The following GPHN variants were observed in gnomAD, a reference collection of about 807,000 sequenced individuals.
GPHN encodes the protein gephyrin.
Under a neutral mutation model 95.5 loss-of-function variants are expected in GPHN, and 17 were observed. The observed-to-expected ratio is 0.18, with a 90% CI of 0.12 to 0.27. The LOEUF is 0.27. GPHN is among the 10% of genes least tolerant of loss of function. The probability of loss-of-function intolerance (pLI) is 1.00; values close to 1 mark genes in which losing one functional copy is unlikely to be tolerated. For missense variants in GPHN, 660 were observed against 978.1 expected (o/e 0.67, Z 4.34); for synonymous variants, 320 against 322.5 (o/e 0.99, Z 0.08).
chr14:66,681,045 A>G (rs2066906435), intron 1 of GPHN, 62 bp from the exon 2 acceptor site: 2 of 942,654 alleles, frequency 2.1e-6, no homozygotes, highest in Admixed American at 3.4e-5. Flanking sequence ...TTTGGTCAGC[A>G]ATAGCTTAAA....
chr14:67,308,521 ACT>A, the GPHN span, among the ~76,000 whole-genome samples: 1 of 147,834 alleles, frequency 6.8e-6, no homozygotes, highest in Non-Finnish European at 1.5e-5. Flanking sequence ...TTAGATCAGC[ACT>A]CTCCAAATAT....
At chr14:67,487,581 A>AT in the GPHN span, among the ~76,000 whole-genome samples, 13 of 152,342 alleles carry the variant, frequency 8.5e-5, no homozygotes, top group Admixed American at 5.2e-4. Flanking sequence ...AATGTAGGAC[A>AT]TTCGTTTCAG....
At chr14:67,360,813 A>G in the GPHN span, 1 of 152,224 alleles carries the variant, frequency 6.6e-6, no homozygotes, top group Admixed American at 6.5e-5. Flanking sequence ...CAGGACGCTG[A>G]GCACTTTGCT....
At chr14:67,453,387 C>T in the GPHN span, among the ~76,000 whole-genome samples, 1 of 152,204 alleles carries the variant, frequency 6.6e-6, no homozygotes, top group African/African-American at 2.4e-5. Context: ...ATCCTGCCCT[C>T]CCAGCTGAGA....
intron 1 of GPHN, among the ~76,000 whole-genome samples, chr14:66,650,820 G>A (rs909736384): frequency 2.6e-5 from 4 of 152,130 alleles, no homozygotes; most frequent in Admixed American, 6.5e-5. Context: ...CACAGATGGA[G>A]CAGCTACCAT....
At chr14:67,647,627 A>G in the GPHN span, 1 of 158,178 alleles carries the variant, frequency 6.3e-6, no homozygotes, top group Non-Finnish European at 1.4e-5. Context: ...CGTTCAGAGA[A>G]TAAGAGCAAC....
At chr14:67,086,766 G>A (rs926499000) in intron 11 of GPHN, among the ~76,000 whole-genome samples, 3 of 150,894 alleles carry the variant, frequency 2.0e-5, no homozygotes, top group African/African-American at 4.9e-5. Context: ...CCGGCCAGGC[G>A]CGTGGCTCAC....
the GPHN span, among the ~76,000 whole-genome samples, chr14:67,606,457 G>T: frequency 6.6e-6 from 1 of 152,182 alleles, no homozygotes; most frequent in Non-Finnish European, 1.5e-5. Context: ...ATAAAAGATG[G>T]ATCTAATTTG....
At chr14:66,874,408 T>G (rs1229180184) in intron 4 of GPHN, among the ~76,000 whole-genome samples, 1 of 152,150 alleles carries the variant, frequency 6.6e-6, no homozygotes, top group East Asian at 1.9e-4. Flanking sequence ...AGAATGAGTT[T>G]GACAAATTGA....
chr14:67,390,799 C>T, the GPHN span: 1 of 1,225,916 alleles, frequency 8.2e-7, no homozygotes, highest in Non-Finnish European at 1.2e-6. Flanking sequence ...ATGTCCCTCT[C>T]TCCTGTATCT....
chr14:67,410,021 G>A, the GPHN span, among the ~76,000 whole-genome samples: 1 of 152,072 alleles, frequency 6.6e-6, no homozygotes, highest in South Asian at 2.1e-4. Context: ...GGGTCTGGCT[G>A]GAATGAGCTC....
At chr14:67,735,004 T>C in the GPHN span, among the ~76,000 whole-genome samples, 4 of 152,128 alleles carry the variant, frequency 2.6e-5, no homozygotes, top group Non-Finnish European at 5.9e-5. Flanking sequence ...CTAGAGAAAA[T>C]ATTTTAAATC....
At chr14:66,715,445 T>C (rs902765761) in intron 2 of GPHN, among the ~76,000 whole-genome samples, 2 of 152,168 alleles carry the variant, frequency 1.3e-5, no homozygotes, top group Non-Finnish European at 2.9e-5. Context: ...GTTTCATTTA[T>C]CTTTTGTATT....
downstream of GPHN, chr14:67,181,931 C>G (rs1021217966): frequency 6.3e-6 from 1 of 158,622 alleles, no homozygotes; most frequent in Non-Finnish European, 1.4e-5. Context: ...TATTGTAACT[C>G]TGTATCTTAC....
chr14:67,109,099 C>T (rs181603736), intron 13 of GPHN, among the ~76,000 whole-genome samples: 7 of 152,142 alleles, frequency 4.6e-5, no homozygotes, highest in East Asian at 1.9e-4. Flanking sequence ...TTACTGAATA[C>T]GTAAGCAATT....
chr14:67,439,726 C>A, the GPHN span, among the ~76,000 whole-genome samples: 2 of 152,106 alleles, frequency 1.3e-5, no homozygotes, highest in Non-Finnish European at 2.9e-5. Flanking sequence ...ATACACAATG[C>A]AGTAGATTTT....
the GPHN span, among the ~76,000 whole-genome samples, chr14:67,191,525 A>G: frequency 2.4e-4 from 36 of 152,178 alleles, no homozygotes; most frequent in African/African-American, 8.4e-4. Flanking sequence ...CCCAATGGCC[A>G]TGAACACTCA....
rs564621109 is a variant in GPHN at position 66,868,594 on chromosome 14, A to G, written c.295-11345A>G. Among the ~76,000 whole-genome samples the G allele has an allele frequency of 3.9e-5, 6 of 152,094 alleles. 2 individuals carry two copies. The highest frequency in any genetic ancestry group is 2.1e-4 in the South Asian group (1 of 4,826). On this transcript the variant is annotated intron_variant, in intron 4 of 22. Transcript: ENST00000478722. Reference sequence around the variant, plus strand: ...TTTTTAGTAGAGACAGGGTTTCACCATGTTGGCCAGGCTGGTCTCAAACTC... The same window carrying G: ...TTTTTAGTAGAGACAGGGTTTCACCGTGTTGGCCAGGCTGGTCTCAAACTC...
the GPHN span, chr14:67,562,038 A>G: frequency 1.2e-6 from 2 of 1,613,392 alleles, no homozygotes; most frequent in Non-Finnish European, 8.5e-7. Context: ...GCTAGAAGGT[A>G]GGCAGGCCAG....
Sources: allele counts gnomAD v4.1 joint callset (sites outside exome capture counted in the v4.1 genomes callset), GRCh38; gene constraint gnomAD v4.1.1; transcripts MANE v1.5; gene names NCBI Gene and HGNC (gene_info 2026-07-23, HGNC 2026-07-21).